Variants in NCKAP5 observed in about 807,000 individuals in gnomAD.
NCKAP5 encodes NCK associated protein 5.
Under a neutral mutation model 167.0 loss-of-function variants are expected in NCKAP5, and 92 were observed. The ratio of observed to expected loss-of-function variants is 0.55; its 90% CI spans 0.47 to 0.66. NCKAP5 has a LOEUF of 0.66. NCKAP5 is among the 30% of genes least tolerant of loss of function. NCKAP5 has a pLI of 0.00. For synonymous variants in NCKAP5, 891 were observed against 877.4 expected (o/e 1.02, Z -0.27); for missense variants, 2,378 against 2,315.0 (o/e 1.03, Z -0.56).
intron 3 of NCKAP5, among the ~76,000 whole-genome samples, chr2:133,390,034 G>A (rs945809637): frequency 6.6e-6 from 1 of 152,118 alleles, no homozygotes; most frequent in African/African-American, 2.4e-5. Context: ...TCCAACCCCA[G>A]TTCCAAAATA....
At chr2:133,250,425 G>C (rs772380009) in intron 4 of NCKAP5, among the ~76,000 whole-genome samples, 1 of 151,974 alleles carries the variant, frequency 6.6e-6, no homozygotes, top group East Asian at 1.9e-4. Flanking sequence ...ATGCAGGTGT[G>C]GTTCCTCTGC....
intron 4 of NCKAP5, among the ~76,000 whole-genome samples, chr2:133,253,009 C>T (rs2088430036): frequency 1.3e-5 from 2 of 152,180 alleles, no homozygotes; most frequent in African/African-American, 4.8e-5. Context: ...TTCACTTCGC[C>T]AGCCTTCTTA....
At chr2:133,338,995 A>G in intron 3 of NCKAP5, among the ~76,000 whole-genome samples, 1 of 152,142 alleles carries the variant, frequency 6.6e-6, no homozygotes, top group East Asian at 1.9e-4. Flanking sequence ...ACTGCAGCCT[A>G]TGTGACAGAG....
intron 8 of NCKAP5, among the ~76,000 whole-genome samples, chr2:132,904,160 T>C (rs921016609): frequency 3.3e-5 from 5 of 151,602 alleles, no homozygotes; most frequent in South Asian, 2.1e-4. Flanking sequence ...TGGTGGCGAG[T>C]GCTTGTAGTC....
chr2:133,312,566 C>A (rs1308554754), intron 3 of NCKAP5, among the ~76,000 whole-genome samples: 7 of 152,098 alleles, frequency 4.6e-5, no homozygotes, highest in Admixed American at 4.6e-4. Context: ...CAAGACACTG[C>A]CTATTGTGCA....
rs546182481 is a variant in NCKAP5 at position 133,302,876 on chromosome 2, A to C, written c.143+161T>G. On this transcript the variant is annotated intron_variant, in intron 4 of 19. Coordinates refer to ENST00000409261, the MANE Select transcript of NCKAP5 (RefSeq NM_207363.3). Reference sequence around the variant, plus strand: ...TAATTTGGGCTCTAGTTTTCACATTACAATTTTGCCATTCCAAGATGATAG... The same window carrying C: ...TAATTTGGGCTCTAGTTTTCACATTCCAATTTTGCCATTCCAAGATGATAG... 5.3e-5 allele frequency among the ~76,000 whole-genome samples: 8 copies of C among 152,316 alleles called. No individual in the cohort carries two copies. In the South Asian group the frequency reaches 1.7e-3, roughly 32 times the overall value.
chr2:132,875,874 C>A (rs188050206), intron 9 of NCKAP5, among the ~76,000 whole-genome samples: 2 of 151,958 alleles, frequency 1.3e-5, no homozygotes, highest in African/African-American at 4.8e-5. Flanking sequence ...CAGGTGTGTG[C>A]GCATGCATTT....
chr2:133,557,154 TTG>T (rs1687798802), intron 2 of NCKAP5, among the ~76,000 whole-genome samples: 2 of 152,210 alleles, frequency 1.3e-5, no homozygotes, highest in Non-Finnish European at 2.9e-5. Context: ...GGCCGATAGC[TTG>T]TCTTTCCAAA....
intron 4 of NCKAP5, among the ~76,000 whole-genome samples, chr2:133,215,792 G>GA (rs2086402500): frequency 6.6e-6 from 1 of 151,786 alleles, no homozygotes; most frequent in African/African-American, 2.4e-5. Flanking sequence ...GATAAGACAA[G>GA]AAAAAGAAAT....
chr2:132,828,162 G>T (rs1367205141), intron 11 of NCKAP5, among the ~76,000 whole-genome samples: 1 of 152,182 alleles, frequency 6.6e-6, no homozygotes, highest in Non-Finnish European at 1.5e-5. Flanking sequence ...ATCTTGAACT[G>T]TCCAGCCTCT....
At chr2:132,799,564 C>A (rs1380303475) in intron 11 of NCKAP5, among the ~76,000 whole-genome samples, 1 of 152,062 alleles carries the variant, frequency 6.6e-6, no homozygotes, top group African/African-American at 2.4e-5. Flanking sequence ...GGAAAACAAA[C>A]AGGATAATAT....
intron 3 of NCKAP5, among the ~76,000 whole-genome samples, chr2:133,356,756 T>A (rs1167265378): frequency 6.6e-6 from 1 of 152,178 alleles, no homozygotes; most frequent in East Asian, 1.9e-4. Context: ...TTTTGAGAAA[T>A]ACCTAAAATT....
intron 19 of NCKAP5, among the ~76,000 whole-genome samples, chr2:132,699,965 A>G (rs1395052497): frequency 6.6e-6 from 1 of 152,136 alleles, no homozygotes; most frequent in African/African-American, 2.4e-5. Flanking sequence ...AAGTGTTCCT[A>G]TTTCTCCACA....
In NCKAP5 at chr2:133,022,614, C is replaced by T. The variant is rs575166862; in HGVS notation, c.342-28375G>A. 2.0e-5 allele frequency among the ~76,000 whole-genome samples: 3 copies of T among 152,264 alleles called. No homozygotes were observed. In the South Asian group the frequency reaches 6.2e-4, roughly 32 times the overall value. The stretch of plus-strand genomic sequence containing the variant: ...ACACAATGTCCAATCACCTGTTCTT[C>T]GGAGTGTCCATTCCTCTTTTCCAGA... On this transcript the variant is annotated intron_variant, in intron 6 of 19. Coordinates refer to ENST00000409261, the MANE Select transcript of NCKAP5 (RefSeq NM_207363.3).
chr2:133,544,518 T>C (rs1003610621), intron 2 of NCKAP5, among the ~76,000 whole-genome samples: 10 of 152,236 alleles, frequency 6.6e-5, no homozygotes, highest in Admixed American at 5.9e-4. Context: ...CATGTCAAGA[T>C]ACCAATAGCT....
intron 4 of NCKAP5, among the ~76,000 whole-genome samples, chr2:133,264,719 G>A (rs930761449): frequency 6.6e-6 from 1 of 152,178 alleles, no homozygotes; most frequent in Non-Finnish European, 1.5e-5. Context: ...CTTCTAAAGA[G>A]AATTGATTTG....
At chr2:133,127,860 A>G (rs934850398) in intron 6 of NCKAP5, among the ~76,000 whole-genome samples, 2 of 152,188 alleles carry the variant, frequency 1.3e-5, no homozygotes, top group Non-Finnish European at 2.9e-5. Flanking sequence ...TGATATAAGT[A>G]ATAGCCTATG....
Position 133,136,692 on chromosome 2 carries a change from G to A in NCKAP5, c.208-6581C>T, listed in dbSNP as rs149784533. ...TCTTGGATAATAAGAGGATCTTAAG[G>A]TAAGAAATGAATAGAGGCCATTAGA... On this transcript the variant is annotated intron_variant, in intron 5 of 19. Transcript: ENST00000409261. Among the ~76,000 whole-genome samples the A allele has an allele frequency of 1.3e-3, 191 of 152,266 alleles. 3 individuals are homozygous for A. In the South Asian group the frequency reaches 0.017, roughly 14 times the overall value.
chr2:133,184,292 T>C (rs931008573), intron 5 of NCKAP5, among the ~76,000 whole-genome samples: 1 of 152,186 alleles, frequency 6.6e-6, no homozygotes, highest in Non-Finnish European at 1.5e-5. Context: ...CAAAAAAACA[T>C]GATTTTGTTC....
Sources: gnomAD v4.1 joint callset for allele counts (sites outside exome capture counted in the v4.1 genomes callset) on GRCh38, gnomAD v4.1.1 for gene constraint, MANE v1.5 for transcripts, NCBI Gene and HGNC (gene_info 2026-07-23, HGNC 2026-07-21) for gene names.